Variants in DRC11 observed in about 807,000 individuals in gnomAD.
DRC11 encodes the protein dynein regulatory complex subunit 11.
chr2:236,311,696 G>A, the DRC11 span, among the ~76,000 whole-genome samples: 1 of 142,660 alleles, frequency 7.0e-6, no homozygotes, highest in Non-Finnish European at 1.5e-5. The surrounding 1 kb of genome is among the most constrained non-coding windows in gnomAD (Gnocchi z 6.9). Context: ...TGGATGGGGT[G>A]CGTGTGTGTG....
the DRC11 span, among the ~76,000 whole-genome samples, chr2:236,322,974 A>C: frequency 6.6e-5 from 10 of 152,382 alleles, no homozygotes; most frequent in East Asian, 1.5e-3. Context: ...GCTCTAAAGC[A>C]TAAGTATCAA....
At chr2:236,375,173 G>A in the DRC11 span, among the ~76,000 whole-genome samples, 2 of 152,072 alleles carry the variant, frequency 1.3e-5, no homozygotes, top group Non-Finnish European at 2.9e-5. The surrounding 1 kb of genome is among the most constrained non-coding windows in gnomAD (Gnocchi z 4.2). Context: ...TTTGGTGGGC[G>A]CACAGATCTA....
the DRC11 span, chr2:236,465,650 G>A: frequency 9.2e-5 from 148 of 1,613,468 alleles, no homozygotes; most frequent in Admixed American, 7.2e-4. The surrounding 1 kb of genome is among the most constrained non-coding windows in gnomAD (Gnocchi z 6.2). Flanking sequence ...TTCCGCAGGC[G>A]GTCCACCTTT....
the DRC11 span, among the ~76,000 whole-genome samples, chr2:236,491,060 ACACACAG>A: frequency 1.0e-4 from 12 of 118,620 alleles, no homozygotes; most frequent in African/African-American, 3.5e-4. Context: ...ATATATATAT[ACACACAG>A]TATATACCCC....
chr2:236,376,945 T>G, the DRC11 span, among the ~76,000 whole-genome samples: 2 of 152,226 alleles, frequency 1.3e-5, no homozygotes, highest in Non-Finnish European at 2.9e-5. This position sits in a 1 kb window ranked among gnomAD's most constrained non-coding sequence, Gnocchi z 5.7. Context: ...CTTAGGTTAT[T>G]TGAATCAATT....
chr2:236,446,622 A>G, the DRC11 span, among the ~76,000 whole-genome samples: 7 of 152,250 alleles, frequency 4.6e-5, no homozygotes, highest in Admixed American at 1.3e-4. The surrounding 1 kb of genome is among the most constrained non-coding windows in gnomAD (Gnocchi z 6.2). Context: ...GCTTGGACAC[A>G]CATGTTCACC....
At chr2:236,425,412 T>C in the DRC11 span, among the ~76,000 whole-genome samples, 1 of 152,042 alleles carries the variant, frequency 6.6e-6, no homozygotes, top group East Asian at 1.9e-4. Flanking sequence ...TCAGCATTTT[T>C]CCATATACAT....
At chr2:236,487,582 G>C in the DRC11 span, among the ~76,000 whole-genome samples, 2 of 152,114 alleles carry the variant, frequency 1.3e-5, no homozygotes, top group Non-Finnish European at 2.9e-5. Context: ...CCTTCTAGAA[G>C]GGACACTGAT....
At chr2:236,437,403 C>T in the DRC11 span, among the ~76,000 whole-genome samples, 1 of 150,954 alleles carries the variant, frequency 6.6e-6, no homozygotes, top group Admixed American at 6.6e-5. Flanking sequence ...AATAAACATA[C>T]GTGTGCATGT....
chr2:236,369,971 C>T, the DRC11 span, among the ~76,000 whole-genome samples: 5 of 152,196 alleles, frequency 3.3e-5, no homozygotes, highest in Non-Finnish European at 5.9e-5. The surrounding 1 kb of genome is among the most constrained non-coding windows in gnomAD (Gnocchi z 4.5). Flanking sequence ...CAGGTGGAAT[C>T]GAATCCCCTT....
chr2:236,419,108 A>C, the DRC11 span: 5 of 1,503,012 alleles, frequency 3.3e-6, no homozygotes, highest in African/African-American at 5.7e-5. The surrounding 1 kb of genome is among the most constrained non-coding windows in gnomAD (Gnocchi z 4.8). Context: ...AATAAAAAGA[A>C]AATGAAATCA....
At chr2:236,498,498 G>A in the DRC11 span, among the ~76,000 whole-genome samples, 4 of 151,566 alleles carry the variant, frequency 2.6e-5, no homozygotes, top group African/African-American at 9.7e-5. Context: ...GGTGCAGACT[G>A]TGGCCTGGGA....
the DRC11 span, among the ~76,000 whole-genome samples, chr2:236,405,500 T>A: frequency 6.6e-6 from 1 of 152,046 alleles, no homozygotes; most frequent in Non-Finnish European, 1.5e-5. The surrounding 1 kb of genome is among the most constrained non-coding windows in gnomAD (Gnocchi z 4.6). Context: ...AGACTTGACC[T>A]GCCCGGTCTC....
chr2:236,397,277 T>C, the DRC11 span, among the ~76,000 whole-genome samples: 2 of 152,248 alleles, frequency 1.3e-5, no homozygotes, highest in African/African-American at 4.8e-5. The surrounding 1 kb of genome is among the most constrained non-coding windows in gnomAD (Gnocchi z 5.0). Context: ...GCTTCTGCTC[T>C]CTGGCTCCTT....
chr2:236,456,810 C>T, the DRC11 span, among the ~76,000 whole-genome samples: 3 of 152,110 alleles, frequency 2.0e-5, no homozygotes, highest in African/African-American at 4.8e-5. This position sits in a 1 kb window ranked among gnomAD's most constrained non-coding sequence, Gnocchi z 5.4. Context: ...GCGTAGGTGG[C>T]GGAGAAATGG....
At chr2:236,354,810 C>T in the DRC11 span, among the ~76,000 whole-genome samples, 1 of 152,092 alleles carries the variant, frequency 6.6e-6, no homozygotes, top group Non-Finnish European at 1.5e-5. Flanking sequence ...CAGCCTGATG[C>T]CCTCCCTGTG....
chr2:236,356,170 A>G, the DRC11 span, among the ~76,000 whole-genome samples: 1 of 152,134 alleles, frequency 6.6e-6, no homozygotes, highest in Non-Finnish European at 1.5e-5. Context: ...AGCAGAACCT[A>G]AGAATGTCCA....
At chr2:236,373,902 T>C in the DRC11 span, among the ~76,000 whole-genome samples, 1 of 152,204 alleles carries the variant, frequency 6.6e-6, no homozygotes, top group East Asian at 1.9e-4. Flanking sequence ...TCCCATCCTG[T>C]TCAATTTTGA....
chr2:236,457,582 A>C, the DRC11 span, among the ~76,000 whole-genome samples: 1 of 152,200 alleles, frequency 6.6e-6, no homozygotes, highest in Non-Finnish European at 1.5e-5. This position sits in a 1 kb window ranked among gnomAD's most constrained non-coding sequence, Gnocchi z 4.7. Flanking sequence ...ATATGGAAAA[A>C]GGGGTTTTGT....
Sources: gnomAD v4.1 joint callset for allele counts (sites outside exome capture counted in the v4.1 genomes callset) on GRCh38, gnomAD v4.1.1 for gene constraint, Gnocchi (gnomAD v3.1) non-coding constraint, MANE v1.5 for transcripts, NCBI Gene and HGNC (gene_info 2026-07-23, HGNC 2026-07-21) for gene names.